PTPRK: variants seen among roughly 807,000 people sequenced by gnomAD.
PTPRK encodes the protein receptor-type tyrosine-protein phosphatase kappa.
In PTPRK, 75 loss-of-function variants were observed where a neutral mutation model predicts 178.0. That is an observed-to-expected ratio of 0.42 (90% CI 0.35 to 0.51). PTPRK has a LOEUF of 0.51. Ranked by LOEUF, PTPRK falls within the 20% of genes least tolerant of loss-of-function variation. The pLI is 0.02. For missense variants in PTPRK, 1,441 were observed against 1,797.8 expected (o/e 0.80, Z 3.59); for synonymous variants, 637 against 620.6 (o/e 1.03, Z -0.39).
At chr6:128,502,563 G>T (rs1305924084) in intron 1 of PTPRK, among the ~76,000 whole-genome samples, 1 of 152,138 alleles carries the variant, frequency 6.6e-6, no homozygotes, top group Non-Finnish European at 1.5e-5. Flanking sequence ...CAAATTATAA[G>T]GCATGGAGTA....
intron 2 of PTPRK, among the ~76,000 whole-genome samples, chr6:128,363,016 C>T (rs975878371): frequency 6.6e-6 from 1 of 152,094 alleles, no homozygotes. Context: ...AAAAGAATCA[C>T]TGGGAATTCA....
chr6:128,120,030 T>C (rs974376170), intron 7 of PTPRK, among the ~76,000 whole-genome samples: 1 of 151,972 alleles, frequency 6.6e-6, no homozygotes, highest in South Asian at 2.1e-4. Context: ...AGTATTCCAT[T>C]GTAATCCAAT....
At chr6:128,129,225 T>C (rs1293400531) in intron 7 of PTPRK, among the ~76,000 whole-genome samples, 1 of 152,204 alleles carries the variant, frequency 6.6e-6, no homozygotes, top group Non-Finnish European at 1.5e-5. Flanking sequence ...AATAATCTCC[T>C]CAACTGATTT....
chr6:127,986,301 A>T (rs746215435), intron 21 of PTPRK, among the ~76,000 whole-genome samples: 5 of 152,186 alleles, frequency 3.3e-5, no homozygotes, highest in African/African-American at 9.6e-5. Flanking sequence ...AGAGATTTTA[A>T]TGCCTTGCTT....
intron 7 of PTPRK, among the ~76,000 whole-genome samples, chr6:128,163,658 G>A (rs921038563): frequency 6.6e-6 from 1 of 151,390 alleles, no homozygotes; most frequent in African/African-American, 2.4e-5. Context: ...GTTAAAAAAT[G>A]CTTAAAATAA....
At chr6:127,985,063 G>A (rs1334852648) in intron 22 of PTPRK, among the ~76,000 whole-genome samples, 1 of 152,046 alleles carries the variant, frequency 6.6e-6, no homozygotes, top group Non-Finnish European at 1.5e-5. Flanking sequence ...TTTAGGAAAC[G>A]CTTTTCAGAT....
intron 26 of PTPRK, 61 bp from the exon 27 acceptor site, chr6:127,976,843 G>C: frequency 5.0e-6 from 8 of 1,609,780 alleles, no homozygotes; most frequent in Non-Finnish European, 6.8e-6. Context: ...AGTTAGGAGA[G>C]TATAAAGCAG....
intron 2 of PTPRK, among the ~76,000 whole-genome samples, chr6:128,348,547 C>CA (rs11428607): frequency 0.99 from 151,009 of 152,028 alleles, 75,002 homozygotes; most frequent in East Asian, 1. Flanking sequence ...CATAAGTTTA[C>CA]AAAATTTTCT....
At chr6:128,155,464 G>T (rs1797830593) in intron 7 of PTPRK, among the ~76,000 whole-genome samples, 1 of 151,560 alleles carries the variant, frequency 6.6e-6, no homozygotes, top group African/African-American at 2.4e-5. Context: ...TTTAGGAAAG[G>T]CGTGTTAAAT....
intron 7 of PTPRK, among the ~76,000 whole-genome samples, chr6:128,110,120 C>A (rs148260100): frequency 2.0e-5 from 3 of 152,196 alleles, no homozygotes; most frequent in African/African-American, 7.2e-5. Context: ...GACAGGGTCT[C>A]ACTATCTTGT....
chr6:128,202,106 CAG>C (rs1384211586), intron 6 of PTPRK, among the ~76,000 whole-genome samples: 1 of 152,104 alleles, frequency 6.6e-6, no homozygotes, highest in African/African-American at 2.4e-5. Flanking sequence ...GGAACGAAGG[CAG>C]AGAGTGAATT....
chr6:127,982,922 G>A lies in PTPRK; in HGVS notation c.3446C>T (p.Ala1149Val). 1 of 1,612,454 alleles carries A rather than the reference G, an allele frequency of 6.2e-7. No homozygotes were observed. Among genetic ancestry groups the A allele is most frequent in the Non-Finnish European group, 8.5e-7 (1 of 1,178,668 alleles). Reference protein sequence around the residue: ...ILEACLCGETAIPVCEFKAAY... With the variant: ...ILEACLCGETVIPVCEFKAAY... ...AGCTTTAAATTCACAGACAGGTATG[G>A]CAGTTTCTCCACATAAGCAGGCTTC... Residue 1149 changes from alanine (A) to valine (V), a missense_variant, in exon 24 of 30, where the codon GCC becomes GTC. By Grantham distance (64) the Ala-to-Val change is moderately conservative. Transcript: ENST00000368226.
chr6:128,302,324 G>A (rs1266231181), intron 3 of PTPRK, among the ~76,000 whole-genome samples: 2 of 148,560 alleles, frequency 1.3e-5, no homozygotes, highest in Non-Finnish European at 3.0e-5. Flanking sequence ...CCCAGGAGGC[G>A]GAGCTTGCAG....
At chr6:128,066,126 C>A (rs1781709778) in intron 12 of PTPRK, among the ~76,000 whole-genome samples, 1 of 152,124 alleles carries the variant, frequency 6.6e-6, no homozygotes, top group Non-Finnish European at 1.5e-5. Context: ...AAGATCAAAA[C>A]CCTCACACAA....
intron 7 of PTPRK, among the ~76,000 whole-genome samples, chr6:128,105,996 T>C (rs966872031): frequency 1.3e-5 from 2 of 152,182 alleles, no homozygotes; most frequent in African/African-American, 4.8e-5. Flanking sequence ...AGGTCATACA[T>C]GTATATGAAA....
intron 7 of PTPRK, among the ~76,000 whole-genome samples, chr6:128,131,129 G>C (rs1794168370): frequency 6.6e-6 from 1 of 152,156 alleles, no homozygotes; most frequent in African/African-American, 2.4e-5. Context: ...CAATTCCCAA[G>C]AAGCAGTAAA....
At chr6:128,208,382 C>T (rs1019991888) in intron 6 of PTPRK, among the ~76,000 whole-genome samples, 2 of 151,024 alleles carry the variant, frequency 1.3e-5, no homozygotes, top group African/African-American at 4.9e-5. Flanking sequence ...TTATCAGGAG[C>T]AATAAAATTC....
At chr6:128,087,547 T>C (rs1199550810) in intron 8 of PTPRK, among the ~76,000 whole-genome samples, 1 of 152,122 alleles carries the variant, frequency 6.6e-6, no homozygotes, top group East Asian at 1.9e-4. Flanking sequence ...TAAATATGCA[T>C]TGAGTTGTGT....
chr6:128,245,253 T>C (rs1815245736), intron 3 of PTPRK, among the ~76,000 whole-genome samples: 1 of 149,118 alleles, frequency 6.7e-6, no homozygotes, highest in South Asian at 2.1e-4. Context: ...CTTTACTACA[T>C]TGCTTCTCAA....
Sources: allele counts gnomAD v4.1 joint callset (sites outside exome capture counted in the v4.1 genomes callset), GRCh38; gene constraint gnomAD v4.1.1; transcripts MANE v1.5; gene names NCBI Gene and HGNC (gene_info 2026-07-23, HGNC 2026-07-21).